The following CDKAL1 variants were observed in gnomAD, a reference collection of about 807,000 sequenced individuals.
CDKAL1 encodes the protein threonylcarbamoyladenosine tRNA methylthiotransferase.
A neutral mutation model predicts 68.2 loss-of-function variants in CDKAL1; 32 were observed. The ratio of observed to expected loss-of-function variants is 0.47; its 90% CI spans 0.35 to 0.63. CDKAL1 has a LOEUF of 0.63. CDKAL1 is among the 30% of genes least tolerant of loss of function. CDKAL1 has a pLI of 0.00. For synonymous variants in CDKAL1, 234 were observed against 244.3 expected, an observed-to-expected ratio of 0.96 and a Z score of 0.39; for missense variants, 606 against 696.7, an observed-to-expected ratio of 0.87 and a Z score of 1.47.
At chr6:20,538,189 G>T (rs938535763) in intron 2 of CDKAL1, among the ~76,000 whole-genome samples, 1 of 149,440 alleles carries the variant, frequency 6.7e-6, no homozygotes, top group African/African-American at 2.5e-5. Context: ...ATAACTTATT[G>T]TTTCAATACT....
intron 9 of CDKAL1, among the ~76,000 whole-genome samples, chr6:20,934,329 G>A (rs34100038): frequency 2.0e-5 from 3 of 152,162 alleles, no homozygotes; most frequent in Non-Finnish European, 4.4e-5. Flanking sequence ...CAGTGCTACA[G>A]ATGTCTTATT....
At chr6:20,898,896 A>G (rs186169591) in intron 9 of CDKAL1, among the ~76,000 whole-genome samples, 1 of 152,224 alleles carries the variant, frequency 6.6e-6, no homozygotes, top group East Asian at 1.9e-4. Context: ...TGTACAGAAT[A>G]TTAGTTCTAA....
chr6:21,024,525 A>G (rs1768854034), intron 11 of CDKAL1, among the ~76,000 whole-genome samples: 1 of 152,126 alleles, frequency 6.6e-6, no homozygotes, highest in South Asian at 2.1e-4. Flanking sequence ...GAGAAAGGGC[A>G]CAATTAATGT....
At chr6:20,875,331 A>AAAT (rs1760456259) in intron 9 of CDKAL1, among the ~76,000 whole-genome samples, 1 of 115,830 alleles carries the variant, frequency 8.6e-6, no homozygotes, top group Non-Finnish European at 1.8e-5. Context: ...AAAAAAAAAA[A>AAAT]GTCTAGCCCT....
chr6:20,557,046 AAAAAAAATAAATAAAT>A (rs1417687723), intron 4 of CDKAL1, among the ~76,000 whole-genome samples: 1 of 96,840 alleles, frequency 1.0e-5, no homozygotes, highest in Non-Finnish European at 1.9e-5. Context: ...CATCTCAAAA[AAAAAAAATAAATAAAT>A]AAATAAATAA....
At chr6:20,648,041 C>A in intron 4 of CDKAL1, among the ~76,000 whole-genome samples, 1 of 146,310 alleles carries the variant, frequency 6.8e-6, no homozygotes, top group South Asian at 2.2e-4. Context: ...TGCCACTGCA[C>A]TCCAGCCTGG....
chr6:20,540,825 C>T (rs1332468190), intron 2 of CDKAL1, among the ~76,000 whole-genome samples: 1 of 152,136 alleles, frequency 6.6e-6, no homozygotes, highest in African/African-American at 2.4e-5. Flanking sequence ...GGCAGTTGAA[C>T]GTCTGAGTCT....
chr6:21,021,891 G>C lies in CDKAL1; in HGVS notation c.1055+21519G>C, dbSNP rs116439078. Reference sequence around the variant, plus strand: ...TTATGGTCCTTGTTGCTGGTGGTTAGTTTTGTATGAAGTCATTGTCTTTGA... The same window carrying C: ...TTATGGTCCTTGTTGCTGGTGGTTACTTTTGTATGAAGTCATTGTCTTTGA... On this transcript the variant is annotated intron_variant, in intron 11 of 15. Transcript: ENST00000274695. Among the ~76,000 whole-genome samples the C allele has an allele frequency of 5.7e-3, 873 of 152,288 alleles. 11 individuals are homozygous for C. The highest frequency in any genetic ancestry group is 0.019 in the African/African-American group (806 of 41,548).
chr6:21,032,203 TGGGG>T (rs1769330769), intron 11 of CDKAL1, among the ~76,000 whole-genome samples: 4 of 152,098 alleles, frequency 2.6e-5, no homozygotes, highest in African/African-American at 9.7e-5. Flanking sequence ...ATGTTGGGAT[TGGGG>T]TGTCTGCGAG....
intron 13 of CDKAL1, among the ~76,000 whole-genome samples, chr6:21,153,027 C>T (rs1776487109): frequency 6.6e-6 from 1 of 152,058 alleles, no homozygotes; most frequent in African/African-American, 2.4e-5. Flanking sequence ...TATATAAAGC[C>T]ATTTGAATAA....
intron 9 of CDKAL1, among the ~76,000 whole-genome samples, chr6:20,925,331 CCAAA>C (rs1450729183): frequency 1.3e-5 from 2 of 152,164 alleles, no homozygotes; most frequent in African/African-American, 4.8e-5. Context: ...CACTGGGAAA[CCAAA>C]CAATTTGTGT....
chr6:20,730,486 A>G (rs1561724566), intron 5 of CDKAL1, among the ~76,000 whole-genome samples: 1 of 147,568 alleles, frequency 6.8e-6, no homozygotes, highest in Non-Finnish European at 1.5e-5. Flanking sequence ...AAGGAAGGAA[A>G]GAAAAAGAAA....
intron 12 of CDKAL1, among the ~76,000 whole-genome samples, chr6:21,076,565 C>CATT (rs1772087098): frequency 6.6e-6 from 1 of 152,144 alleles, no homozygotes; most frequent in East Asian, 1.9e-4. Context: ...TACTCGATAA[C>CATT]AGAATTACAT....
chr6:21,101,282 T>C (rs918931123), intron 12 of CDKAL1, among the ~76,000 whole-genome samples: 1 of 152,158 alleles, frequency 6.6e-6, no homozygotes, highest in Non-Finnish European at 1.5e-5. Flanking sequence ...TGGCCACACG[T>C]TGGAAATACC....
chr6:20,597,664 C>G (rs2127708433), intron 4 of CDKAL1, among the ~76,000 whole-genome samples: 2 of 152,314 alleles, frequency 1.3e-5, no homozygotes, highest in Non-Finnish European at 2.9e-5. Flanking sequence ...ATCCACCTGC[C>G]TCGGCCTCCC....
At chr6:20,767,019 CA>C (rs1313591348) in intron 7 of CDKAL1, among the ~76,000 whole-genome samples, 1 of 152,036 alleles carries the variant, frequency 6.6e-6, no homozygotes, top group Non-Finnish European at 1.5e-5. Flanking sequence ...ACAAAAATAA[CA>C]TTTTTTTCAT....
At chr6:20,992,031 C>CTTTTTTTTTTTTTT (rs71530401) in intron 10 of CDKAL1, among the ~76,000 whole-genome samples, 155 of 100,296 alleles carry the variant, frequency 1.5e-3, no homozygotes, top group Non-Finnish European at 1.8e-3. Flanking sequence ...TTTTTCTTTT[C>CTTTTTTTTTTTTTT]TTTTTTTTTT....
intron 4 of CDKAL1, among the ~76,000 whole-genome samples, chr6:20,609,448 T>G (rs1017673746): frequency 2.0e-5 from 3 of 146,606 alleles, no homozygotes; most frequent in African/African-American, 7.6e-5. Flanking sequence ...CAGGCTAGAA[T>G]GCAGTGGCAC....
chr6:20,892,956 G>A (rs1561863208), intron 9 of CDKAL1, among the ~76,000 whole-genome samples: 1 of 152,172 alleles, frequency 6.6e-6, no homozygotes, highest in Non-Finnish European at 1.5e-5. Flanking sequence ...GTTCACAAAG[G>A]TCACTTTTAC....
Sources: allele counts gnomAD v4.1 joint callset (sites outside exome capture counted in the v4.1 genomes callset), GRCh38; gene constraint gnomAD v4.1.1; transcripts MANE v1.5; gene names NCBI Gene and HGNC (gene_info 2026-07-23, HGNC 2026-07-21).